The following ARL14EPL variants were observed in gnomAD, a reference collection of about 807,000 sequenced individuals.
The protein encoded by ARL14EPL is ARF like GTPase 14 effector protein like.
A neutral mutation model predicts 15.9 loss-of-function variants in ARL14EPL; 17 were observed. The ratio of observed to expected loss-of-function variants is 1.07; its 90% CI spans 0.73 to 1.60. ARL14EPL has a LOEUF of 1.60. Among genes scored for constraint, ARL14EPL ranks in the 40% most tolerant of loss-of-function variants. The pLI is 0.00. For synonymous variants in ARL14EPL, 78 were observed against 63.8 expected (o/e 1.22, Z -1.06); for missense variants, 214 against 185.9 (o/e 1.15, Z -0.88).
intron 1 of ARL14EPL, among the ~76,000 whole-genome samples, chr5:116,050,561 C>A (rs377559581): frequency 9.2e-5 from 14 of 152,280 alleles, no homozygotes; most frequent in African/African-American, 2.9e-4. Flanking sequence ...AATTGGTCAG[C>A]AGAGAGGTGA....
chr5:116,040,020 C>A (rs1749119982), intron 1 of ARL14EPL, among the ~76,000 whole-genome samples: 1 of 152,078 alleles, frequency 6.6e-6, no homozygotes, highest in Non-Finnish European at 1.5e-5. Flanking sequence ...TACTTCATAT[C>A]ACATTATTTT....
chr5:116,039,894 C>T (rs1317095570), intron 1 of ARL14EPL, among the ~76,000 whole-genome samples: 2 of 152,130 alleles, frequency 1.3e-5, no homozygotes, highest in Non-Finnish European at 2.9e-5. Flanking sequence ...ATATGATTTA[C>T]TAAACTGTCT....
In ARL14EPL at chr5:116,045,956, T is replaced by G. The variant is rs548739354; in HGVS notation, c.-9-5501T>G. On this transcript the variant is annotated intron_variant, in intron 1 of 3. Coordinates refer to ENST00000686077, the MANE Select transcript of ARL14EPL (RefSeq NM_001195581.2). ...TGGAGATTTTTTAGAGGTTATTGTC[T>G]TGTGGTTTTGAAAACAGCTGAAACA... is the stretch of plus-strand genomic sequence containing the variant. Among the ~76,000 whole-genome samples, 19 of 152,284 alleles carry G rather than the reference T, an allele frequency of 1.2e-4. 1 individual carries two copies. Among genetic ancestry groups the G allele is most frequent in the South Asian group, 4.1e-4 (2 of 4,820 alleles).
chr5:116,035,499 G>A (rs994029577), intron 1 of ARL14EPL, among the ~76,000 whole-genome samples: 2 of 152,136 alleles, frequency 1.3e-5, no homozygotes, highest in South Asian at 4.1e-4. Context: ...TTTTGACTGC[G>A]AACTGATTAC....
chr5:116,034,424 T>TG (rs1296733248), intron 1 of ARL14EPL, among the ~76,000 whole-genome samples: 1 of 152,198 alleles, frequency 6.6e-6, no homozygotes, highest in Non-Finnish European at 1.5e-5. Context: ...TCAGTATTTA[T>TG]GAACTCCTGT....
rs151043997 is a variant in ARL14EPL at position 116,033,721 on chromosome 5, G to A, written c.-10+1216G>A. ...AGATTTTCAAAATAATAAGTTGCAG[G>A]CTTTTTAGTACAAACTCTTTCTACC... On this transcript the variant is annotated intron_variant, in intron 1 of 3. Transcript: ENST00000686077. Among the ~76,000 whole-genome samples, 77 of 152,148 alleles carry A rather than the reference G, an allele frequency of 5.1e-4. No individual in the cohort carries two copies. The East Asian group carries it at 0.014, about 29-fold the overall frequency.
In ARL14EPL at chr5:116,058,887, T is replaced by C. The variant is rs1038427861; in HGVS notation, c.399T>C (p.Asp133=). The C allele has an allele frequency of 4.6e-6, 7 of 1,536,004 alleles. No homozygotes were observed. Among genetic ancestry groups the C allele is most frequent in the Admixed American group, 3.9e-5 (2 of 50,976 alleles). Residue 133 remains aspartate (D), a synonymous_variant, in exon 4 of 4, where the codon GAT becomes GAC. Transcript: ENST00000686077. Reference sequence around the variant, plus strand: ...GCTGCAACCGACGGTGGGTTTACGATGCCATCGTCACTGAGTCAGGAGAGG... The same window carrying C: ...GCTGCAACCGACGGTGGGTTTACGACGCCATCGTCACTGAGTCAGGAGAGG... ...ECRCNRRWVY[D]AIVTESGEVI...
Position 116,059,020 on chromosome 5 carries a change from T to G in ARL14EPL, c.*73T>G. The G allele has an allele frequency of 7.1e-7, 1 of 1,415,846 alleles. No individual in the cohort carries two copies. The highest frequency in any genetic ancestry group is 1.4e-5 in the African/African-American group (1 of 70,454). 87.7% of individuals were successfully genotyped at this position (1,415,846 alleles called of 1,614,324 possible). A position where few individuals can be genotyped will look rare whatever the true frequency, so the allele number is the denominator to read the frequency against. ...GTTGACCTCTTTCTTTTGGGTGAATTTTAGGGCTTGGGGGAAATATCGAAA... is the reference window on the plus strand; with the variant it reads ...GTTGACCTCTTTCTTTTGGGTGAATGTTAGGGCTTGGGGGAAATATCGAAA... On this transcript the variant is annotated 3_prime_UTR_variant, in exon 4 of 4. Transcript: ENST00000686077.
intron 3 of ARL14EPL, among the ~76,000 whole-genome samples, chr5:116,055,813 A>G (rs898997746): frequency 2.0e-5 from 3 of 151,888 alleles, no homozygotes; most frequent in African/African-American, 7.3e-5. Flanking sequence ...CAACCCCACA[A>G]CAGGCCCCAG....
At chr5:116,034,455 G>A (rs79970219) in intron 1 of ARL14EPL, among the ~76,000 whole-genome samples, 2,634 of 152,284 alleles carry the variant, frequency 0.017, 66 homozygotes, top group African/African-American at 0.053. Flanking sequence ...CAGGATGAAA[G>A]TACTAGTAGT....
At chr5:116,055,638 CAT>C (rs139682529) in intron 3 of ARL14EPL, among the ~76,000 whole-genome samples, 7,582 of 150,590 alleles carry the variant, frequency 0.05, 276 homozygotes, top group East Asian at 0.16. Context: ...TATATATATA[CAT>C]ATATATATAT....
chr5:116,034,094 G>C (rs1391077243), intron 1 of ARL14EPL, among the ~76,000 whole-genome samples: 1 of 152,214 alleles, frequency 6.6e-6, no homozygotes, highest in Admixed American at 6.5e-5. Context: ...ATACACATCA[G>C]AGGATTAAAG....
Position 116,054,159 on chromosome 5 carries a change from A to G in ARL14EPL, c.236+6A>G, listed in dbSNP as rs1321868629. ...TATTTTTCTACCAAATACAAGTAAG[A>G]TTCTGACTTATTGTATTTGATCTGT... On this transcript the variant is annotated splice_donor_region_variant and intron_variant, in intron 3 of 3. Transcript: ENST00000686077. 6.5e-7 allele frequency: 1 copy of G among 1,533,758 alleles called. No homozygotes were observed. The highest frequency in any genetic ancestry group is 2.0e-5 in the Admixed American group (1 of 50,786).
chr5:116,033,303 T>G (rs1164960881), intron 1 of ARL14EPL, among the ~76,000 whole-genome samples: 1 of 152,166 alleles, frequency 6.6e-6, no homozygotes, highest in African/African-American at 2.4e-5. Context: ...TATTCTATTT[T>G]TTTCACTTTT....
In ARL14EPL at chr5:116,058,802, G is replaced by A. The variant is rs975593297; in HGVS notation, c.314G>A (p.Cys105Tyr). The change falls in exon 4 of 4, where the codon TGC becomes TAC. Residue 105 changes from cysteine (C) to tyrosine (Y), a missense_variant. Cys to Tyr is a radical substitution (Grantham distance 194, BLOSUM62 -2). Coordinates refer to ENST00000686077, the MANE Select transcript of ARL14EPL (RefSeq NM_001195581.2). ...CTGTGTGATTGTCTAGAGAAGAACTGCCTGGGCTGCTTCTACCCATGCCCG... is the reference window on the plus strand; with the variant it reads ...CTGTGTGATTGTCTAGAGAAGAACTACCTGGGCTGCTTCTACCCATGCCCG... ...ADLCDCLEKNCLGCFYPCPKC... is the reference protein window; with the variant it reads ...ADLCDCLEKNYLGCFYPCPKC... 1.0e-5 allele frequency: 16 copies of A among 1,535,902 alleles called. No individual in the cohort carries two copies. Among genetic ancestry groups the A allele is most frequent in the Non-Finnish European group, 1.3e-5 (15 of 1,146,914 alleles).
intron 1 of ARL14EPL, among the ~76,000 whole-genome samples, chr5:116,047,564 A>G (rs906423814): frequency 2.6e-5 from 4 of 152,060 alleles, no homozygotes; most frequent in African/African-American, 9.7e-5. Context: ...TAGAACTATG[A>G]TTGGCCAGAG....
intron 3 of ARL14EPL, 47 bp from the exon 4 acceptor site, chr5:116,058,678 T>C (rs1404895064): frequency 7.4e-6 from 11 of 1,494,100 alleles, no homozygotes; most frequent in Non-Finnish European, 9.0e-6. Context: ...TTCTCAATGT[T>C]GAGGATGATT....
At chr5:116,046,317 T>A (rs1036840150) in intron 1 of ARL14EPL, among the ~76,000 whole-genome samples, 1 of 152,228 alleles carries the variant, frequency 6.6e-6, no homozygotes, top group African/African-American at 2.4e-5. Context: ...CTTGCTTTGA[T>A]AATTTGCTAG....
chr5:116,034,206 T>C (rs1321330083), intron 1 of ARL14EPL, among the ~76,000 whole-genome samples: 1 of 151,718 alleles, frequency 6.6e-6, no homozygotes, highest in African/African-American at 2.4e-5. Context: ...CATGTCTTAC[T>C]TGAGATCAAC....
Sources: gnomAD v4.1 joint callset for allele counts (sites outside exome capture counted in the v4.1 genomes callset) on GRCh38, gnomAD v4.1.1 for gene constraint, MANE v1.5 for transcripts, NCBI Gene and HGNC (gene_info 2026-07-23, HGNC 2026-07-21) for gene names.